The following CLYBL variants were observed in gnomAD, a reference collection of about 807,000 sequenced individuals.
CLYBL encodes the protein citramalyl-CoA lyase, mitochondrial.
CLYBL carries 31 observed loss-of-function variants against 38.9 expected under a neutral mutation model. The observed-to-expected ratio is 0.80, with a 90% confidence interval of 0.60 to 1.08. The LOEUF (loss-of-function observed/expected upper bound fraction) is 1.08, where lower values mean the gene tolerates loss of function less well. CLYBL is among the 50% of genes least tolerant of loss of function. The pLI, the probability that CLYBL is intolerant of heterozygous loss-of-function variation, is 0.00. For synonymous variants in CLYBL, 171 were observed against 158.6 expected (o/e 1.08, Z -0.59); for missense variants, 434 against 411.6 (o/e 1.05, Z -0.47).
At chr13:99,735,769 A>T (rs2048656199) in intron 1 of CLYBL, among the ~76,000 whole-genome samples, 1 of 152,206 alleles carries the variant, frequency 6.6e-6, no homozygotes, top group Non-Finnish European at 1.5e-5. Context: ...GGGATTTAAT[A>T]AATGTTAAAG....
intron 1 of CLYBL, among the ~76,000 whole-genome samples, chr13:99,659,883 G>C (rs1361850889): frequency 6.6e-6 from 1 of 152,154 alleles, no homozygotes; most frequent in Non-Finnish European, 1.5e-5. Context: ...GTACAGACCT[G>C]GGTGGCGTTA....
intron 1 of CLYBL, among the ~76,000 whole-genome samples, chr13:99,722,906 C>T (rs972805472): frequency 3.3e-5 from 5 of 152,244 alleles, no homozygotes; most frequent in African/African-American, 1.2e-4. Context: ...TTTACTTCCC[C>T]CTTTCTCCCC....
At chr13:99,791,317 G>C (rs2049911828) in intron 2 of CLYBL, among the ~76,000 whole-genome samples, 1 of 151,656 alleles carries the variant, frequency 6.6e-6, no homozygotes, top group African/African-American at 2.4e-5. Context: ...AAACAGAAAA[G>C]CCCTTTGTAA....
intron 1 of CLYBL, among the ~76,000 whole-genome samples, chr13:99,730,003 G>A (rs117563108): frequency 4.8e-5 from 5 of 104,834 alleles, no homozygotes; most frequent in South Asian, 8.2e-4. Flanking sequence ...CAGCATTGCC[G>A]GTGCCCCCCT....
chr13:99,663,927 T>C (rs1256007450), intron 1 of CLYBL, among the ~76,000 whole-genome samples: 1 of 152,240 alleles, frequency 6.6e-6, no homozygotes, highest in Non-Finnish European at 1.5e-5. Flanking sequence ...GAGATAAAAC[T>C]GCAAATTTAA....
rs1484578027 is a variant in CLYBL at position 99,728,703 on chromosome 13, C to T, written c.63-44121C>T. ...CAGTCCTCGCACGTAGCTGGGACCACAGTTGTGCACCACCATGCCTGGCTA... is the reference window on the plus strand; with the variant it reads ...CAGTCCTCGCACGTAGCTGGGACCATAGTTGTGCACCACCATGCCTGGCTA... On this transcript the variant is annotated intron_variant, in intron 1 of 8. Coordinates refer to ENST00000339105, the MANE Select transcript of CLYBL (RefSeq NM_206808.5). 2.0e-5 allele frequency among the ~76,000 whole-genome samples: 3 copies of T among 151,948 alleles called. No individual in the cohort carries two copies. The East Asian group carries it at 5.8e-4, about 29-fold the overall frequency.
chr13:99,833,290 C>G (rs2050861532), intron 2 of CLYBL, among the ~76,000 whole-genome samples: 1 of 151,572 alleles, frequency 6.6e-6, no homozygotes, highest in Admixed American at 6.6e-5. Flanking sequence ...ATCCAGCTAC[C>G]TCAGCCTTCC....
chr13:99,633,869 C>G (rs992538255), intron 1 of CLYBL, among the ~76,000 whole-genome samples: 2 of 152,000 alleles, frequency 1.3e-5, no homozygotes, highest in Non-Finnish European at 2.9e-5. Context: ...TGAAGAAAAG[C>G]AAATAGAGCC....
chr13:99,888,748 C>T (rs954834606), intron 7 of CLYBL, among the ~76,000 whole-genome samples: 1 of 151,992 alleles, frequency 6.6e-6, no homozygotes, highest in African/African-American at 2.4e-5. Context: ...GACTCAGTCT[C>T]AAAAAATATA....
intron 1 of CLYBL, among the ~76,000 whole-genome samples, chr13:99,735,132 T>C (rs2048647316): frequency 6.6e-6 from 1 of 152,196 alleles, no homozygotes; most frequent in Non-Finnish European, 1.5e-5. Flanking sequence ...AAAAAGATAT[T>C]CTCACTATCA....
rs1358589110 is a variant in CLYBL at position 99,858,892 on chromosome 13, T to C, written c.281T>C (p.Leu94Pro). Residue 94 changes from leucine (L) to proline (P), a missense_variant, in exon 3 of 9, where the codon CTT becomes CCT. By Grantham distance (98) the Leu-to-Pro change is moderately conservative. Coordinates refer to ENST00000339105, the MANE Select transcript of CLYBL (RefSeq NM_206808.5). ...GCTCGACTGAGAATTGTAAAAACTC[T>C]TGAAGACATTGATCTGGGCCCTACT... is the stretch of plus-strand genomic sequence containing the variant. ...NEARLRIVKT[L>P]EDIDLGPTEK... The C allele has an allele frequency of 1.2e-6, 2 of 1,610,334 alleles. No homozygotes were observed. Among genetic ancestry groups the C allele is most frequent in the African/African-American group, 1.3e-5 (1 of 74,660 alleles).
intron 2 of CLYBL, among the ~76,000 whole-genome samples, chr13:99,833,761 C>G (rs1023720748): frequency 7.1e-6 from 1 of 140,482 alleles, no homozygotes; most frequent in South Asian, 2.4e-4. Context: ...GCAATCTCGG[C>G]TCACTGCAAC....
intron 2 of CLYBL, among the ~76,000 whole-genome samples, chr13:99,787,378 A>G (rs1297031374): frequency 1.3e-5 from 2 of 152,132 alleles, no homozygotes; most frequent in Admixed American, 6.5e-5. Context: ...ATTTTTGTGT[A>G]AGGTATAAGG....
At chr13:99,700,902 C>A (rs1175338534) in intron 1 of CLYBL, among the ~76,000 whole-genome samples, 1 of 152,170 alleles carries the variant, frequency 6.6e-6, no homozygotes, top group Admixed American at 6.5e-5. Flanking sequence ...GTATTCATTA[C>A]GGAAAAGTTG....
intron 1 of CLYBL, among the ~76,000 whole-genome samples, chr13:99,645,734 C>T (rs1415143565): frequency 2.0e-5 from 3 of 151,870 alleles, no homozygotes; most frequent in Non-Finnish European, 2.9e-5. Context: ...GGTTATTAAT[C>T]CTTTCTCAGA....
intron 2 of CLYBL, among the ~76,000 whole-genome samples, chr13:99,785,815 C>A (rs1594181759): frequency 6.6e-6 from 1 of 152,048 alleles, no homozygotes; most frequent in African/African-American, 2.4e-5. Context: ...CCAGGCTGGT[C>A]TTGAACTCCT....
chr13:99,808,494 A>T (rs1240849533), intron 2 of CLYBL, among the ~76,000 whole-genome samples: 4 of 119,350 alleles, frequency 3.4e-5, no homozygotes, highest in Non-Finnish European at 6.5e-5. Flanking sequence ...TTATAGACTT[A>T]AAAAAAAATT....
chr13:99,730,165 T>C (rs2048562559), intron 1 of CLYBL, among the ~76,000 whole-genome samples: 1 of 152,236 alleles, frequency 6.6e-6, no homozygotes, highest in African/African-American at 2.4e-5. Context: ...ACAGTGGCCA[T>C]AGATCTCAAG....
intron 1 of CLYBL, among the ~76,000 whole-genome samples, chr13:99,761,999 T>C (rs1399095288): frequency 6.6e-6 from 1 of 152,228 alleles, no homozygotes; most frequent in African/African-American, 2.4e-5. Flanking sequence ...TTTTGTCTGT[T>C]TTTAAATTGG....
Sources: allele counts gnomAD v4.1 joint callset (sites outside exome capture counted in the v4.1 genomes callset), GRCh38; gene constraint gnomAD v4.1.1; transcripts MANE v1.5; gene names NCBI Gene and HGNC (gene_info 2026-07-23, HGNC 2026-07-21).